Variants in ZNF385D observed in about 807,000 individuals in gnomAD.
ZNF385D encodes the protein zinc finger protein 385D.
Under a neutral mutation model 35.8 loss-of-function variants are expected in ZNF385D, and 15 were observed. The observed-to-expected ratio is 0.42, with a 90% CI of 0.28 to 0.64. The LOEUF (loss-of-function observed/expected upper bound fraction) is 0.64, where lower values mean the gene tolerates loss of function less well. ZNF385D is among the 30% of genes least tolerant of loss of function. The probability of loss-of-function intolerance (pLI) is 0.23; values close to 1 mark genes in which losing one functional copy is unlikely to be tolerated. For missense variants in ZNF385D, 474 were observed against 494.6 expected (o/e 0.96, Z 0.39); for synonymous variants, 212 against 186.8 (o/e 1.13, Z -1.10).
intron 3 of ZNF385D, among the ~76,000 whole-genome samples, chr3:21,889,837 C>G (rs1250042294): frequency 6.6e-6 from 1 of 152,114 alleles, no homozygotes; most frequent in Admixed American, 6.5e-5. Context: ...GGATCAAGCC[C>G]CCTCTGAAGG....
chr3:21,954,017 C>A (rs560722900), intron 3 of ZNF385D, among the ~76,000 whole-genome samples: 1 of 152,140 alleles, frequency 6.6e-6, no homozygotes, highest in Admixed American at 6.6e-5. Context: ...GGAAAAGATA[C>A]TCAAATTACT....
In ZNF385D at chr3:22,138,653, G is replaced by T. The variant is rs377740839; in HGVS notation, c.325+30164C>A. 3.4e-4 allele frequency among the ~76,000 whole-genome samples: 52 copies of T among 151,480 alleles called. No individual in the cohort carries two copies. In the East Asian group the frequency reaches 7.0e-3, roughly 20 times the overall value. ...AACTGGATCCCTTCCTTACACCTTA[G>T]ACAAAAATTAATTCAAGATGGATAA... On this transcript the variant is annotated intron_variant, in intron 3 of 5. Coordinates refer to the ZNF385D transcript ENST00000494108.
chr3:21,575,940 A>G (rs1038504523), intron 2 of ZNF385D, among the ~76,000 whole-genome samples: 5 of 152,208 alleles, frequency 3.3e-5, no homozygotes, highest in Admixed American at 2.6e-4. Flanking sequence ...TAGCAGTGGG[A>G]AAACCTGGAT....
At chr3:22,003,794 G>A (rs1226737070) in intron 3 of ZNF385D, among the ~76,000 whole-genome samples, 2 of 151,718 alleles carry the variant, frequency 1.3e-5, no homozygotes, top group Non-Finnish European at 2.9e-5. Flanking sequence ...TTGAACCTAG[G>A]GGGCAGAGGC....
At chr3:22,225,277 G>A (rs966377605) in intron 2 of ZNF385D, among the ~76,000 whole-genome samples, 2 of 152,050 alleles carry the variant, frequency 1.3e-5, no homozygotes, top group South Asian at 4.1e-4. Context: ...TGTATATCCC[G>A]TCACCCTTGC....
At position 21,807,308 on chromosome 3, in the gene ZNF385D, T is replaced by C. The variant is rs59143971; in HGVS notation, c.326-142280A>G. On this transcript the variant is annotated intron_variant, in intron 3 of 5. Transcript: ENST00000494108. ...ATTTCAACTTGCTATTTTTCAAGTG[T>C]TTTAATACTACCACAGCCAGTGCAG... Among the ~76,000 whole-genome samples, 602 of 152,310 alleles carry C rather than the reference T, an allele frequency of 4.0e-3. 7 individuals are homozygous for C. Among genetic ancestry groups the C allele is most frequent in the African/African-American group, 0.014 (568 of 41,578 alleles).
intron 3 of ZNF385D, among the ~76,000 whole-genome samples, chr3:22,045,532 C>A (rs1698941613): frequency 6.6e-6 from 1 of 152,070 alleles, no homozygotes; most frequent in Non-Finnish European, 1.5e-5. Flanking sequence ...CAGTTCCTAG[C>A]AAGGTATTTA....
intron 2 of ZNF385D, among the ~76,000 whole-genome samples, chr3:22,227,163 T>G (rs1351838852): frequency 6.6e-6 from 1 of 151,796 alleles, no homozygotes; most frequent in Non-Finnish European, 1.5e-5. Context: ...TATATATGTG[T>G]GTATATATAT....
chr3:21,890,919 G>A (rs1698825336), intron 3 of ZNF385D, among the ~76,000 whole-genome samples: 1 of 152,048 alleles, frequency 6.6e-6, no homozygotes, highest in African/African-American at 2.4e-5. Context: ...TTTGTTTTTG[G>A]TCTCCAACAG....
intron 3 of ZNF385D, among the ~76,000 whole-genome samples, chr3:21,798,489 G>A (rs552060890): frequency 6.6e-6 from 1 of 152,188 alleles, no homozygotes; most frequent in Non-Finnish European, 1.5e-5. Flanking sequence ...ATGGAAGCTT[G>A]CTTCTTCAAG....
At chr3:22,284,441 C>G (rs906991400) in intron 2 of ZNF385D, among the ~76,000 whole-genome samples, 1 of 151,916 alleles carries the variant, frequency 6.6e-6, no homozygotes, top group Admixed American at 6.6e-5. Context: ...CTGCCTGCCT[C>G]GGCCTCCCAA....
At chr3:21,894,840 T>G (rs544606220) in intron 3 of ZNF385D, among the ~76,000 whole-genome samples, 75 of 152,210 alleles carry the variant, frequency 4.9e-4, no homozygotes, top group African/African-American at 1.8e-3. Context: ...AACGTAGAGC[T>G]TGACACAATG....
At chr3:22,070,413 A>C (rs987146293) in intron 3 of ZNF385D, among the ~76,000 whole-genome samples, 1 of 152,158 alleles carries the variant, frequency 6.6e-6, no homozygotes, top group Non-Finnish European at 1.5e-5. Context: ...CTTTATATTT[A>C]ATATGTCATT....
intron 3 of ZNF385D, among the ~76,000 whole-genome samples, chr3:21,820,806 G>C (rs1056045531): frequency 1.3e-5 from 2 of 150,730 alleles, no homozygotes; most frequent in African/African-American, 4.9e-5. Flanking sequence ...TGAGGACATT[G>C]TGTGTGTCAA....
chr3:21,609,002 G>A (rs2064584702), intron 2 of ZNF385D, among the ~76,000 whole-genome samples: 1 of 152,230 alleles, frequency 6.6e-6, no homozygotes. Context: ...TATTTGATAT[G>A]AAAATAATTG....
Position 21,525,599 on chromosome 3 carries a change from G to A in ZNF385D, c.277-14576C>T, listed in dbSNP as rs551006372. 1.8e-3 allele frequency among the ~76,000 whole-genome samples: 273 copies of A among 147,878 alleles called. 1 individual carries two copies. Among genetic ancestry groups the A allele is most frequent in the African/African-American group, 6.6e-3 (264 of 40,166 alleles). On this transcript the variant is annotated intron_variant, in intron 3 of 7. Transcript: ENST00000281523. ...CTCAGGAGGCTGAGGGAGGAGAATT[G>A]CTTGAACCTGGGAGGCGGAGGTTGC...
At chr3:21,966,928 A>G (rs941269252) in intron 3 of ZNF385D, among the ~76,000 whole-genome samples, 1 of 152,220 alleles carries the variant, frequency 6.6e-6, no homozygotes, top group Non-Finnish European at 1.5e-5. Context: ...CTAATTTTTT[A>G]GAATGAGTGT....
chr3:21,565,523 C>A (rs2063111700), intron 2 of ZNF385D, among the ~76,000 whole-genome samples: 1 of 149,608 alleles, frequency 6.7e-6, no homozygotes, highest in African/African-American at 2.5e-5. Context: ...GGAGTACAGG[C>A]TTGAGCCACC....
intron 4 of ZNF385D, among the ~76,000 whole-genome samples, chr3:21,503,899 C>G (rs1706579868): frequency 6.6e-6 from 1 of 152,070 alleles, no homozygotes; most frequent in African/African-American, 2.4e-5. Flanking sequence ...GCAATACATT[C>G]AAAAGTATTT....
Sources: gnomAD v4.1 joint callset for allele counts (sites outside exome capture counted in the v4.1 genomes callset) on GRCh38, gnomAD v4.1.1 for gene constraint, MANE v1.5 for transcripts, NCBI Gene and HGNC (gene_info 2026-07-23, HGNC 2026-07-21) for gene names.